FKBP10: variants seen among roughly 807,000 people sequenced by gnomAD.
FKBP10 encodes FKBP prolyl isomerase 10.
A neutral mutation model predicts 53.7 loss-of-function variants in FKBP10; 34 were observed. The observed-to-expected ratio is 0.63, with a 90% CI of 0.48 to 0.84. The LOEUF (loss-of-function observed/expected upper bound fraction) is 0.84. Among genes scored for constraint, FKBP10 ranks in the 40% least tolerant of loss-of-function variants. The pLI is 0.00. For missense variants in FKBP10, 748 were observed against 797.8 expected (o/e 0.94, Z 0.75); for synonymous variants, 324 against 335.7 (o/e 0.97, Z 0.38).
chr17:41,818,567 G>C, intron 4 of FKBP10, 40 bp downstream of exon 4: 1 of 1,613,276 alleles, frequency 6.2e-7, no homozygotes, highest in Non-Finnish European at 8.5e-7. Context: ...TTCCGCAGAA[G>C]AGGGAAAAAC....
At position 41,817,250 on chromosome 17, in the gene FKBP10, C is replaced by CA. The variant is rs782788849; in HGVS notation, c.391+48dup. The CA allele has an allele frequency of 1.9e-6, 3 of 1,603,600 alleles. No homozygotes were observed. The African/African-American group carries it at 4.0e-5, about 21-fold the overall frequency. On this transcript the variant is annotated intron_variant, in intron 2 of 9. Transcript: ENST00000321562. ...GCCGGGGGTGGAGGAGACCACGAGG[C>CA]AGAATCAGGGATCCTGGGGTGAGAA...
rs992705936 is a variant in FKBP10, at chr17:41,816,963, G to A, written c.246-95G>A. ...CCTGGCTATAGGGAGGGGGGATTGTGTGCGTGTGTGCAGGCACACCTGTGC... is the reference window on the plus strand; with the variant it reads ...CCTGGCTATAGGGAGGGGGGATTGTATGCGTGTGTGCAGGCACACCTGTGC... On this transcript the variant is annotated intron_variant, in intron 1 of 9. Coordinates refer to ENST00000321562, the MANE Select transcript of FKBP10 (RefSeq NM_021939.4). 4.1e-6 allele frequency: 6 copies of A among 1,469,858 alleles called. No individual in the cohort carries two copies. The African/African-American group carries it at 8.2e-5, about 20-fold the overall frequency. The allele number at this position is 1,469,858 out of a possible 1,614,324, so 91.1% of individuals were successfully genotyped here.
chr17:41,813,438 G>GC (rs1392442790), intron 1 of FKBP10, among the ~76,000 whole-genome samples, 159 bp downstream of exon 1: 1 of 151,998 alleles, frequency 6.6e-6, no homozygotes, highest in Non-Finnish European at 1.5e-5. Context: ...ATACCCTCCT[G>GC]CCCCCACTTC....
rs2047894453 is a variant in FKBP10 at position 41,821,773 on chromosome 17, G to A, written c.1519G>A (p.Glu507Lys). The stretch of plus-strand genomic sequence containing the variant: ...CAAGGACCCTCCTGCCAACCTGTTT[G>A]AAGACATGGACCTCAACAAGGATGG... Reference protein sequence around the residue: ...WHKDPPANLFEDMDLNKDGEV... With the variant: ...WHKDPPANLFKDMDLNKDGEV... The change falls in exon 9 of 10, where the codon GAA becomes AAA. Residue 507 changes from glutamate (E) to lysine (K), a missense_variant. Transcript: ENST00000321562. 3.1e-6 allele frequency: 5 copies of A among 1,614,052 alleles called. No individual in the cohort carries two copies. The African/African-American group carries it at 4.0e-5, about 13-fold the overall frequency.
intron 6 of FKBP10, 164 bp downstream of exon 6, chr17:41,819,839 A>G (rs1555616722): frequency 6.5e-7 from 1 of 1,538,138 alleles, no homozygotes; most frequent in South Asian, 1.2e-5. Context: ...CCTGCCACAC[A>G]GACTCCATCG....
chr17:41,821,209 A>G (rs2047888184), intron 8 of FKBP10, 120 bp downstream of exon 8: 14 of 1,245,528 alleles, frequency 1.1e-5, no homozygotes, highest in Non-Finnish European at 1.4e-5. Flanking sequence ...TGCAACCTCC[A>G]CTTCCCAGGT....
intron 6 of FKBP10, chr17:41,819,993 GTCAA>G: frequency 1.3e-6 from 2 of 1,515,334 alleles, no homozygotes; most frequent in Non-Finnish European, 1.8e-6. Flanking sequence ...GTCCTCACCT[GTCAA>G]GTGGGCAAGC....
At position 41,822,428 on chromosome 17, in the gene FKBP10, G is replaced by A. The variant is rs376105841; in HGVS notation, c.*20G>A. On this transcript the variant is annotated 3_prime_UTR_variant, in exon 10 of 10. Transcript: ENST00000321562. ...CTCTGAGGGGCAGGGAGCCTGGCCA[G>A]GCCTGAGACACAGAGGCCCACTGCG... 2 of 1,586,320 alleles carry A rather than the reference G, an allele frequency of 1.3e-6. No homozygotes were observed. Among genetic ancestry groups the A allele is most frequent in the African/African-American group, 2.7e-5 (2 of 74,498 alleles).
Position 41,822,286 on chromosome 17 carries a change from C to A in FKBP10, c.1627C>A (p.Pro543Thr). 6.2e-7 allele frequency: 1 copy of A among 1,613,918 alleles called. No homozygotes were observed. ...AGGACGCCTCATGCCTGGGCAGGAC[C>A]CTGAGAAAACCATAGGAGACATGTT... ...GKGRLMPGQD[P>T]EKTIGDMFQN... The change falls in exon 10 of 10, where the codon CCT (proline) becomes ACT (threonine). Residue 543 changes from proline (P) to threonine (T), a missense_variant. Physicochemically the swap from Pro to Thr is conservative, Grantham distance 38. Coordinates refer to ENST00000321562, the MANE Select transcript of FKBP10 (RefSeq NM_021939.4).
rs368868801 is a variant in FKBP10 at position 41,818,364 on chromosome 17, C to T, written c.582-18C>T. On this transcript the variant is annotated intron_variant, in intron 3 of 9. Coordinates refer to ENST00000321562, the MANE Select transcript of FKBP10 (RefSeq NM_021939.4). ...GGGGCCCAGCCTGCCTCTCCCACCT[C>T]CACCTCATTTTCTGCAGCTACAGTA... The T allele has an allele frequency of 8.1e-5, 131 of 1,614,100 alleles. No individual in the cohort carries two copies. The highest frequency in any genetic ancestry group is 1.1e-4 in the Non-Finnish European group (125 of 1,180,064).
chr17:41,813,558 G>A (rs145025058), intron 1 of FKBP10, among the ~76,000 whole-genome samples: 5 of 152,302 alleles, frequency 3.3e-5, no homozygotes, highest in Non-Finnish European at 5.9e-5. Context: ...AGGGCTGTAT[G>A]TAATGACCTG....
At position 41,813,234 on chromosome 17, in the gene FKBP10, A is replaced by G. The variant is rs782324223; in HGVS notation, c.200A>G (p.Tyr67Cys). ...REVQMGDFVR[Y>C]HYNGTFEDGK... ...GTGCAGATGGGGGATTTTGTGCGCTACCACTACAACGGCACTTTTGAAGAT... is the reference window on the plus strand; with the variant it reads ...GTGCAGATGGGGGATTTTGTGCGCTGCCACTACAACGGCACTTTTGAAGAT... The change falls in exon 1 of 10, where the codon TAC becomes TGC. Residue 67 changes from tyrosine to cysteine, a missense_variant. Coordinates refer to ENST00000321562, the MANE Select transcript of FKBP10 (RefSeq NM_021939.4). 1.2e-6 allele frequency: 2 copies of G among 1,613,782 alleles called. No individual in the cohort carries two copies. Among genetic ancestry groups the G allele is most frequent in the South Asian group, 2.2e-5 (2 of 91,090 alleles).
intron 6 of FKBP10, 33 bp from the exon 7 acceptor site, chr17:41,820,236 T>C (rs571708648): frequency 6.2e-7 from 1 of 1,610,606 alleles, no homozygotes; most frequent in African/African-American, 1.3e-5. Context: ...CCTAGTGCTC[T>C]GAGCTGACCA....
intron 1 of FKBP10, among the ~76,000 whole-genome samples, chr17:41,816,008 G>T (rs2047810871): frequency 6.6e-6 from 1 of 150,912 alleles, no homozygotes; most frequent in Non-Finnish European, 1.5e-5. Flanking sequence ...GGTGGTGCAT[G>T]CCTGTGATCC....
At chr17:41,821,862 G>A (rs782442135) in intron 9 of FKBP10, 45 bp downstream of exon 9, 27 of 1,611,448 alleles carry the variant, frequency 1.7e-5, no homozygotes, top group South Asian at 1.3e-4. Context: ...CGCAATCCCC[G>A]CACCCAGGAA....
chr17:41,817,225 G>A, intron 2 of FKBP10, 22 bp downstream of exon 2: 2 of 1,609,850 alleles, frequency 1.2e-6, no homozygotes, highest in Non-Finnish European at 1.7e-6. Flanking sequence ...TGGGGCACAG[G>A]CCGGGGGTGG....
In FKBP10 at chr17:41,818,451, G is replaced by A. The variant is rs2144056782; in HGVS notation, c.651G>A (p.Gly217=). ...SGWLIKGMDQ[G]LLGMCPGERR... ...GGCTGATCAAGGGCATGGACCAGGG[G>A]CTGCTGGGCATGTGTCCTGGAGAGA... is the stretch of plus-strand genomic sequence containing the variant. Residue 217 remains glycine, a synonymous_variant, in exon 4 of 10, where the codon GGG becomes GGA. Transcript: ENST00000321562. The A allele has an allele frequency of 6.2e-7, 1 of 1,614,212 alleles. No homozygotes were observed. Among genetic ancestry groups the A allele is most frequent in the Non-Finnish European group, 8.5e-7 (1 of 1,180,038 alleles).
At position 41,822,237 on chromosome 17, in the gene FKBP10, C is replaced by T; in HGVS notation, c.1578C>T (p.Ile526=). Residue 526 remains isoleucine (I), a synonymous_variant, in exon 10 of 10, where the codon ATC becomes ATT. Transcript: ENST00000321562. ...CCCTGCCCCAGTTCTCCACCTTCATCAAGGCTCAAGTGAGTGAGGGCAAAG... is the reference window on the plus strand; with the variant it reads ...CCCTGCCCCAGTTCTCCACCTTCATTAAGGCTCAAGTGAGTGAGGGCAAAG... ...EVPPEEFSTF[I]KAQVSEGKGR... is the part of the protein sequence containing the mutation. The T allele has an allele frequency of 6.2e-7, 1 of 1,613,174 alleles. No individual in the cohort carries two copies. Among genetic ancestry groups the T allele is most frequent in the Non-Finnish European group, 8.5e-7 (1 of 1,179,590 alleles).
In FKBP10 at chr17:41,819,399, G is replaced by C; in HGVS notation, c.917G>C (p.Ser306Thr). The C allele has an allele frequency of 6.2e-7, 1 of 1,614,028 alleles. No homozygotes were observed. Among genetic ancestry groups the C allele is most frequent in the Non-Finnish European group, 8.5e-7 (1 of 1,179,976 alleles). ...ATGGACGGCACCCTCTTCGATTCCA[G>C]GTCAGGAGGGTCTTGAGGTGGGAGG... is the stretch of plus-strand genomic sequence containing the variant. Reference protein sequence around the residue: ...SLMDGTLFDSSYSRNHTYNTY... With the variant: ...SLMDGTLFDSTYSRNHTYNTY... Residue 306 changes from serine to threonine, a missense_variant and splice_region_variant, in exon 5 of 10, where the codon AGC becomes ACC. By Grantham distance (58) the Ser-to-Thr change is moderately conservative. Transcript: ENST00000321562.
Sources: allele counts gnomAD v4.1 joint callset (sites outside exome capture counted in the v4.1 genomes callset), GRCh38; gene constraint gnomAD v4.1.1; transcripts MANE v1.5; gene names NCBI Gene and HGNC (gene_info 2026-07-23, HGNC 2026-07-21).